Variants in ELFN2 observed in about 807,000 individuals in gnomAD.
ELFN2 encodes the protein protein phosphatase 1 regulatory subunit 29.
Under a neutral mutation model 45.5 loss-of-function variants are expected in ELFN2, and 17 were observed. The observed-to-expected ratio is 0.37, with a 90% confidence interval of 0.26 to 0.56. The LOEUF (loss-of-function observed/expected upper bound fraction) is 0.56, where lower values mean the gene tolerates loss of function less well. ELFN2 is among the 20% of genes least tolerant of loss of function. The probability of loss-of-function intolerance (pLI) is 0.77; values close to 1 mark genes in which losing one functional copy is unlikely to be tolerated. For missense variants in ELFN2, 922 were observed against 1,183.2 expected (o/e 0.78, Z 3.24); for synonymous variants, 550 against 551.5 (o/e 1.00, Z 0.04).
At chr22:37,413,616 G>A (rs916317) in intron 2 of ELFN2, among the ~76,000 whole-genome samples, 26,956 of 151,540 alleles carry the variant, frequency 0.18, 4,469 homozygotes, top group African/African-American at 0.44. Flanking sequence ...CAACACTGGG[G>A]AGGAGGCCTC....
chr22:37,373,612 C>T lies in ELFN2; in HGVS notation c.1923G>A (p.Lys641=). ...GGTCGGGCACGTCCAGGCTAAAGAC[C>T]TTGGCGCTCTTGATGGAACCACTGG... The part of the protein sequence containing the change: ...VSSSGSIKSA[K]VFSLDVPDHP... The change falls in exon 3 of 3, where the codon AAG becomes AAA. Residue 641 remains lysine (K), a synonymous_variant. Transcript: ENST00000402918. The T allele has an allele frequency of 1.2e-6, 2 of 1,603,550 alleles. No homozygotes were observed. The highest frequency in any genetic ancestry group is 1.7e-6 in the Non-Finnish European group (2 of 1,176,518).
chr22:37,373,625 A>G lies in ELFN2; in HGVS notation c.1910T>C (p.Ile637Thr). 1 of 1,601,580 alleles carries G rather than the reference A, an allele frequency of 6.2e-7. No homozygotes were observed. Among genetic ancestry groups the G allele is most frequent in the South Asian group, 1.1e-5 (1 of 89,488 alleles). The change falls in exon 3 of 3, where the codon ATC (isoleucine) becomes ACC (threonine). Residue 637 changes from isoleucine (I) to threonine (T), a missense_variant. Ile to Thr is a moderately conservative substitution (Grantham distance 89). Transcript: ENST00000402918. ...CAGGCTAAAGACCTTGGCGCTCTTG[A>G]TGGAACCACTGGACGACACGCTGCA... ...KTCSVSSSGS[I>T]KSAKVFSLDV...
At chr22:37,355,786 C>G (rs992273029) in intron 1 of ELFN2, among the ~76,000 whole-genome samples, 1 of 152,188 alleles carries the variant, frequency 6.6e-6, no homozygotes, top group South Asian at 2.1e-4. Flanking sequence ...CTTTGTGCTC[C>G]GCAGAGTGCA....
intron 2 of ELFN2, chr22:37,385,224 T>C (rs1392679690): frequency 2.0e-5 from 3 of 152,242 alleles, no homozygotes; most frequent in Non-Finnish European, 2.9e-5. Context: ...GCCTCCGCAC[T>C]TCCCATATTA....
In ELFN2 at chr22:37,373,344, G is replaced by A; in HGVS notation, c.2191C>T (p.Leu731Phe). 3.1e-6 allele frequency: 5 copies of A among 1,613,458 alleles called. No homozygotes were observed. Among genetic ancestry groups the A allele is most frequent in the Non-Finnish European group, 4.2e-6 (5 of 1,180,020 alleles). ...CGCTTGGAGCGGGTCAGCGGCTTGAGGAAGGACACGCGCTGGCTCAGGCTG... is the reference window on the plus strand; with the variant it reads ...CGCTTGGAGCGGGTCAGCGGCTTGAAGAAGGACACGCGCTGGCTCAGGCTG... ...ADSLSQRVSFLKPLTRSKRDS... is the reference protein window; with the variant it reads ...ADSLSQRVSFFKPLTRSKRDS... The change falls in exon 3 of 3, where the codon CTC (leucine) becomes TTC (phenylalanine). Residue 731 changes from leucine to phenylalanine, a missense_variant. Leu to Phe is a conservative substitution (Grantham distance 22, BLOSUM62 0). Around this residue, in one of 2 missense-constraint regions of ELFN2, gnomAD observed 564 missense variants for 642.8 expected, o/e 0.88. Coordinates refer to ENST00000402918, the MANE Select transcript of ELFN2 (RefSeq NM_052906.5).
At chr22:37,358,405 G>A (rs1384696740) in intron 1 of ELFN2, among the ~76,000 whole-genome samples, 1 of 152,216 alleles carries the variant, frequency 6.6e-6, no homozygotes, top group Non-Finnish European at 1.5e-5. Flanking sequence ...GGTCCGCCGG[G>A]GCGAGCCTCG....
In ELFN2 at chr22:37,374,576, C is replaced by T. The variant is rs1931504916; in HGVS notation, c.959G>A (p.Ser320Asn). 2 of 1,614,062 alleles carry T rather than the reference C, an allele frequency of 1.2e-6. No homozygotes were observed. Among genetic ancestry groups the T allele is most frequent in the African/African-American group, 1.3e-5 (1 of 74,924 alleles). ...GTACTGCACGAGGATGTACATCTTG[C>T]TGTAGGGGTGTGGGATGATGACCAC... ...TLVVIIPHPY[S>N]KMYILVQYNN... The change falls in exon 3 of 3, where the codon AGC becomes AAC. Residue 320 changes from serine (S) to asparagine (N), a missense_variant. Physicochemically the swap from Ser to Asn is conservative, Grantham distance 46. Around this residue, in one of 2 missense-constraint regions of ELFN2, gnomAD observed 358 missense variants for 540.4 expected, o/e 0.66. Coordinates refer to ENST00000402918, the MANE Select transcript of ELFN2 (RefSeq NM_052906.5).
intron 1 of ELFN2, among the ~76,000 whole-genome samples, chr22:37,358,140 A>G (rs1282763820): frequency 6.6e-6 from 1 of 151,954 alleles, no homozygotes; most frequent in Non-Finnish European, 1.5e-5. Context: ...AGTACGGGAG[A>G]GCACAGAACC....
At chr22:37,344,244 G>GCCCACACCCACCTC in intron 1 of ELFN2, among the ~76,000 whole-genome samples, 1 of 146,132 alleles carries the variant, frequency 6.8e-6, no homozygotes, top group African/African-American at 2.5e-5. Flanking sequence ...ATGCCCACCT[G>GCCCACACCCACCTC]CCCACACCCA....
At chr22:37,376,270 G>A (rs1258222889) in intron 2 of ELFN2, among the ~76,000 whole-genome samples, 1 of 152,050 alleles carries the variant, frequency 6.6e-6, no homozygotes, top group Non-Finnish European at 1.5e-5. Context: ...AGGGACACTG[G>A]AGAGAACAGG....
At chr22:37,384,259 C>T (rs1601752701) in intron 2 of ELFN2, among the ~76,000 whole-genome samples, 1 of 152,024 alleles carries the variant, frequency 6.6e-6, no homozygotes, top group African/African-American at 2.4e-5. Flanking sequence ...CCACATGGCC[C>T]GTGAGCAGGG....
At chr22:37,357,891 G>C (rs1359025098) in intron 1 of ELFN2, among the ~76,000 whole-genome samples, 1 of 152,144 alleles carries the variant, frequency 6.6e-6, no homozygotes, top group Non-Finnish European at 1.5e-5. Flanking sequence ...TCAGCAGCAC[G>C]AGCGTGGCCA....
chr22:37,382,783 C>G (rs1368041320), intron 2 of ELFN2, among the ~76,000 whole-genome samples: 1 of 152,172 alleles, frequency 6.6e-6, no homozygotes. Flanking sequence ...AACTCCTCAG[C>G]TCAAGCGATC....
At chr22:37,405,442 AT>A (rs1932475736) in intron 2 of ELFN2, among the ~76,000 whole-genome samples, 1 of 152,014 alleles carries the variant, frequency 6.6e-6, no homozygotes, top group South Asian at 2.1e-4. Context: ...TATCAACCCC[AT>A]GGCTCATGGG....
At chr22:37,344,567 A>G (rs1235468448) in intron 1 of ELFN2, among the ~76,000 whole-genome samples, 2 of 151,882 alleles carry the variant, frequency 1.3e-5, no homozygotes, top group African/African-American at 4.8e-5. Context: ...AGTCTTGGGA[A>G]CACATTCCTC....
At chr22:37,342,004 G>A (rs1930569981) in intron 2 of ELFN2, among the ~76,000 whole-genome samples, 2 of 145,702 alleles carry the variant, frequency 1.4e-5, no homozygotes, top group Non-Finnish European at 3.0e-5. Flanking sequence ...TAGGAGCCCT[G>A]ACCCTGACAT....
intron 1 of ELFN2, among the ~76,000 whole-genome samples, chr22:37,344,132 AC>A (rs1930634795): frequency 2.1e-5 from 1 of 47,218 alleles, no homozygotes; most frequent in African/African-American, 9.7e-5. Context: ...GCCCATGCCC[AC>A]CTGCCCATGC....
intron 1 of ELFN2, among the ~76,000 whole-genome samples, chr22:37,358,148 AC>A (rs1039451126): frequency 2.0e-5 from 3 of 151,906 alleles, no homozygotes; most frequent in African/African-American, 7.3e-5. Context: ...AGAGCACAGA[AC>A]CCTCACCTCC....
At chr22:37,381,941 G>A (rs1247863218) in intron 2 of ELFN2, among the ~76,000 whole-genome samples, 1 of 130,934 alleles carries the variant, frequency 7.6e-6, no homozygotes, top group Non-Finnish European at 1.6e-5. Flanking sequence ...GGGCGACAGA[G>A]TGAGACTCCG....
Sources: gnomAD v4.1 joint callset for allele counts (sites outside exome capture counted in the v4.1 genomes callset) on GRCh38, gnomAD v4.1.1 for gene constraint, gnomAD v4.1.1 regional missense constraint, MANE v1.5 for transcripts, NCBI Gene and HGNC (gene_info 2026-07-23, HGNC 2026-07-21) for gene names.